Variants in DPYD observed in about 807,000 individuals in gnomAD.
DPYD encodes the protein dihydropyrimidine dehydrogenase.
In DPYD, 109 loss-of-function variants were observed where a neutral mutation model predicts 116.2. The observed-to-expected ratio is 0.94, with a 90% confidence interval of 0.80 to 1.10. The LOEUF is 1.10. Ranked by LOEUF, DPYD falls within the 50% of genes least tolerant of loss-of-function variation. The pLI, the probability that DPYD is intolerant of heterozygous loss-of-function variation, is 0.00. For missense variants in DPYD, 1,302 were observed against 1,254.5 expected, an observed-to-expected ratio of 1.04 and a Z score of -0.57; for synonymous variants, 440 against 432.0, an observed-to-expected ratio of 1.02 and a Z score of -0.23.
rs372307932 is a variant in DPYD, at chr1:97,082,394, A to T, written c.2843T>A (p.Ile948Asn). 2.5e-6 allele frequency: 4 copies of T among 1,613,556 alleles called. No homozygotes were observed. Among genetic ancestry groups the T allele is most frequent in the African/African-American group, 1.3e-5 (1 of 74,912 alleles). The stretch of plus-strand genomic sequence containing the variant: ...ACAGTTGATACACATTTCTTCATCA[A>T]TCATAGCCACAACTTGCTCTACGTT... ...LSNVEQVVAM[I>N]DEEMCINCGK... The change falls in exon 22 of 23, where the codon ATT (isoleucine) becomes AAT (asparagine). Residue 948 changes from isoleucine to asparagine, a missense_variant. Ile to Asn is a moderately radical substitution (Grantham distance 149). Coordinates refer to ENST00000370192, the MANE Select transcript of DPYD (RefSeq NM_000110.4).
At chr1:97,530,502 C>T (rs752479968) in intron 12 of DPYD, among the ~76,000 whole-genome samples, 2 of 152,130 alleles carry the variant, frequency 1.3e-5, no homozygotes, top group Non-Finnish European at 2.9e-5. Context: ...CAGGCGTGAG[C>T]CACCGCGCCT....
chr1:97,274,467 C>G (rs1284602915), intron 18 of DPYD, among the ~76,000 whole-genome samples: 1 of 152,156 alleles, frequency 6.6e-6, no homozygotes, highest in African/African-American at 2.4e-5. Context: ...GAGGTCCTCA[C>G]TAGAAGCAGA....
At chr1:97,346,443 T>A (rs1204176177) in intron 16 of DPYD, among the ~76,000 whole-genome samples, 1 of 151,868 alleles carries the variant, frequency 6.6e-6, no homozygotes, top group Non-Finnish European at 1.5e-5. Context: ...GTAGAACAAG[T>A]GTTTATTCCT....
intron 20 of DPYD, among the ~76,000 whole-genome samples, chr1:97,112,372 T>C (rs1473088197): frequency 1.3e-5 from 2 of 152,166 alleles, no homozygotes; most frequent in African/African-American, 2.4e-5. Context: ...TGTAATTTTG[T>C]GCTCCACATG....
At chr1:97,512,889 G>C (rs1030524885) in intron 13 of DPYD, among the ~76,000 whole-genome samples, 1 of 151,682 alleles carries the variant, frequency 6.6e-6, no homozygotes, top group Non-Finnish European at 1.5e-5. Context: ...TTGTTATTTT[G>C]AAACATTCTT....
chr1:97,245,543 G>A (rs899273781), intron 18 of DPYD, among the ~76,000 whole-genome samples: 6 of 152,196 alleles, frequency 3.9e-5, no homozygotes, highest in East Asian at 1.9e-4. Flanking sequence ...AGGATGTCCA[G>A]AGCAAATGTT....
In DPYD at chr1:97,519,049, T is replaced by C. The variant is rs1648447826; in HGVS notation, c.1525-3108A>G. ...AGATGACCTTTAATTTTTAAATTTT[T>C]GCTTATTATAATTTTCATATTTTCA... On this transcript the variant is annotated intron_variant, in intron 12 of 22. Coordinates refer to ENST00000370192, the MANE Select transcript of DPYD (RefSeq NM_000110.4). Among the ~76,000 whole-genome samples the C allele has an allele frequency of 7.9e-5, 12 of 152,312 alleles. No homozygotes were observed. In the South Asian group the frequency reaches 2.5e-3, roughly 32 times the overall value.
intron 20 of DPYD, among the ~76,000 whole-genome samples, chr1:97,130,952 T>G (rs1159548077): frequency 7.0e-6 from 1 of 142,654 alleles, no homozygotes; most frequent in Non-Finnish European, 1.5e-5. Context: ...TATCTATCTA[T>G]CTAACTTCTG....
chr1:97,457,389 G>A (rs1391804704), intron 13 of DPYD, among the ~76,000 whole-genome samples: 2 of 152,120 alleles, frequency 1.3e-5, no homozygotes, highest in Non-Finnish European at 2.9e-5. Context: ...ATGTCTGACT[G>A]ATAAAAATAC....
At chr1:97,703,587 T>A (rs2100982606) in intron 5 of DPYD, among the ~76,000 whole-genome samples, 1 of 152,064 alleles carries the variant, frequency 6.6e-6, no homozygotes, top group Non-Finnish European at 1.5e-5. Context: ...TAGCCACATT[T>A]GATTAAGTTC....
At chr1:97,506,441 TA>T (rs1190921120) in intron 13 of DPYD, among the ~76,000 whole-genome samples, 1 of 151,918 alleles carries the variant, frequency 6.6e-6, no homozygotes, top group Non-Finnish European at 1.5e-5. Flanking sequence ...AGAATAAGGG[TA>T]AAATCAGTTT....
intron 14 of DPYD, among the ~76,000 whole-genome samples, chr1:97,436,927 A>G (rs1675502390): frequency 6.6e-6 from 1 of 151,900 alleles, no homozygotes; most frequent in South Asian, 2.1e-4. Flanking sequence ...CCCAAGATGC[A>G]TTCCAGGAAA....
chr1:97,179,792 G>A (rs1010616300), intron 20 of DPYD, among the ~76,000 whole-genome samples: 6 of 152,038 alleles, frequency 3.9e-5, no homozygotes, highest in Non-Finnish European at 5.9e-5. Flanking sequence ...CTATTATAGG[G>A]CATGGATTTG....
intron 16 of DPYD, among the ~76,000 whole-genome samples, chr1:97,320,357 C>T (rs1324714927): frequency 1.1e-5 from 1 of 90,016 alleles, no homozygotes; most frequent in Non-Finnish European, 2.5e-5. Context: ...CCAAAATCTC[C>T]TTAAGCTGAT....
chr1:97,274,239 G>C (rs553131891), intron 18 of DPYD, among the ~76,000 whole-genome samples: 4 of 152,202 alleles, frequency 2.6e-5, no homozygotes, highest in African/African-American at 7.2e-5. Flanking sequence ...CCCGCTGTCA[G>C]AGGTGGGGCC....
intron 3 of DPYD, among the ~76,000 whole-genome samples, chr1:97,793,356 C>T (rs1168730520): frequency 6.6e-6 from 1 of 152,086 alleles, no homozygotes; most frequent in East Asian, 1.9e-4. Context: ...TAAAAATAGA[C>T]AAACTTATTC....
chr1:97,515,732 AAG>A lies in DPYD; in HGVS notation c.1732_1733del (p.Leu578Ter). 1.2e-6 allele frequency: 2 copies of A among 1,612,436 alleles called. No individual in the cohort carries two copies. The highest frequency in any genetic ancestry group is 1.7e-6 in the Non-Finnish European group (2 of 1,178,890). ...WGFALTKTFSLDKDIVTNVSP... is the reference protein window; with the variant it reads ...WGFALTKTFSXDKDIVTNVSP... Reference sequence around the variant, plus strand: ...TTCAATAATATTTTCTTACCTTATCAAGAGAGAAAGTTTTGGTGAGGGCAAAA... The same window carrying A: ...TTCAATAATATTTTCTTACCTTATCAAGAGAAAGTTTTGGTGAGGGCAAAA... On this transcript the variant is annotated frameshift_variant, in exon 13 of 23. Coordinates refer to ENST00000370192, the MANE Select transcript of DPYD (RefSeq NM_000110.4). LOFTEE classifies it high-confidence loss of function.
At chr1:97,416,428 T>C (rs866286136) in intron 14 of DPYD, among the ~76,000 whole-genome samples, 23 of 152,358 alleles carry the variant, frequency 1.5e-4, no homozygotes, top group African/African-American at 4.8e-4. Flanking sequence ...AATGTTTTAC[T>C]CTCTGATTTT....
intron 8 of DPYD, among the ~76,000 whole-genome samples, chr1:97,599,392 C>T (rs1030279873): frequency 6.6e-6 from 1 of 151,556 alleles, no homozygotes; most frequent in Non-Finnish European, 1.5e-5. Flanking sequence ...ATTAGATGTT[C>T]TGTTACATAT....
Sources: gnomAD v4.1 joint callset for allele counts (sites outside exome capture counted in the v4.1 genomes callset) on GRCh38, gnomAD v4.1.1 for gene constraint, MANE v1.5 for transcripts, NCBI Gene and HGNC (gene_info 2026-07-23, HGNC 2026-07-21) for gene names.